ETS1: variants seen among roughly 807,000 people sequenced by gnomAD.
ETS1 encodes the protein protein C-ets-1.
A neutral mutation model predicts 58.6 loss-of-function variants in ETS1; 15 were observed. The observed-to-expected ratio is 0.26, with a 90% CI of 0.17 to 0.39. The LOEUF (loss-of-function observed/expected upper bound fraction) is 0.39. ETS1 is among the 10% of genes least tolerant of loss of function. The pLI is 1.00. For synonymous variants in ETS1, 214 were observed against 218.2 expected (o/e 0.98, Z 0.17); for missense variants, 417 against 610.5 (o/e 0.68, Z 3.34).
rs576086611 is a variant in ETS1, at chr11:128,479,039, T to C, written c.1123+1152A>G. ...TCATGCAATGAACTGCACTAGGAGC[T>C]ACATGGAATGCAATATAAGAGAGAT... is the stretch of plus-strand genomic sequence containing the variant. On this transcript the variant is annotated intron_variant, in intron 8 of 9. Coordinates refer to ENST00000392668, the MANE Select transcript of ETS1 (RefSeq NM_001143820.2). Among the ~76,000 whole-genome samples, 7 of 152,362 alleles carry C rather than the reference T, an allele frequency of 4.6e-5. No individual in the cohort carries two copies. In the South Asian group the frequency reaches 1.4e-3, roughly 32 times the overall value.
intron 3 of ETS1, among the ~76,000 whole-genome samples, chr11:128,514,721 A>G (rs762194539): frequency 6.6e-6 from 1 of 152,142 alleles, no homozygotes; most frequent in Non-Finnish European, 1.5e-5. Context: ...AGTTGTCCTG[A>G]CCACCCATCT....
intron 3 of ETS1, among the ~76,000 whole-genome samples, chr11:128,495,249 T>A (rs534679896): frequency 6.6e-6 from 1 of 152,222 alleles, no homozygotes; most frequent in South Asian, 2.1e-4. Flanking sequence ...TCTTTCTCTC[T>A]ATTCCACTGC....
At chr11:128,540,579 G>A (rs1864042059) in intron 3 of ETS1, among the ~76,000 whole-genome samples, 1 of 152,140 alleles carries the variant, frequency 6.6e-6, no homozygotes, top group Admixed American at 6.5e-5. Context: ...TGGGGTCTAT[G>A]AACATCATCT....
intron 9 of ETS1, among the ~76,000 whole-genome samples, chr11:128,462,918 T>G (rs1861941054): frequency 1.3e-5 from 2 of 152,232 alleles, no homozygotes; most frequent in Admixed American, 6.5e-5. Context: ...CTCCTTGCTT[T>G]GCAAGCATGA....
intron 1 of ETS1, among the ~76,000 whole-genome samples, chr11:128,585,124 G>GGA (rs796425198): frequency 0.013 from 87 of 6,450 alleles, 7 homozygotes; most frequent in African/African-American, 0.021. Context: ...AGGAAAGAAA[G>GGA]AAGAAAGAAA....
intron 3 of ETS1, among the ~76,000 whole-genome samples, chr11:128,542,470 A>G (rs2135543652): frequency 6.6e-6 from 1 of 152,314 alleles, no homozygotes; most frequent in South Asian, 2.1e-4. Flanking sequence ...CTGTTAAGTC[A>G]GGAATTTCTT....
At chr11:128,570,435 T>C (rs1864603327) in intron 2 of ETS1, among the ~76,000 whole-genome samples, 1 of 152,038 alleles carries the variant, frequency 6.6e-6, no homozygotes, top group Non-Finnish European at 1.5e-5. Context: ...AGAGACTGGG[T>C]TTCATCATGT....
intron 2 of ETS1, 132 bp from the exon 3 acceptor site, chr11:128,556,567 C>CA: frequency 1.8e-6 from 1 of 541,780 alleles, no homozygotes; most frequent in South Asian, 3.8e-5. Context: ...AGAACAGAGC[C>CA]AACTCTTGTT....
In ETS1 at chr11:128,490,680, T is replaced by TGCTA. The variant is rs539513356; in HGVS notation, c.215-108_215-105dup. 242 of 830,660 alleles carry TGCTA rather than the reference T, an allele frequency of 2.9e-4. No homozygotes were observed. The African/African-American group carries it at 3.6e-3, about 12-fold the overall frequency. 51.5% of individuals were successfully genotyped at this position (830,660 alleles called of 1,614,324 possible). A position where few individuals can be genotyped will look rare whatever the true frequency, so the allele number is the denominator to read the frequency against. ...AAGAAGGCAAGCTGAGAAACAACTG[T>TGCTA]GCTAGCATCCTCACCAGAGCACCAG... On this transcript the variant is annotated intron_variant, in intron 3 of 9. Coordinates refer to ENST00000392668, the MANE Select transcript of ETS1 (RefSeq NM_001143820.2).
At chr11:128,526,873 G>C (rs755397897) in intron 3 of ETS1, 1 of 455,436 alleles carries the variant, frequency 2.2e-6, no homozygotes, top group South Asian at 1.6e-5. Flanking sequence ...TCCAAGTCCA[G>C]CACTCCTATT....
chr11:128,546,990 T>G (rs1436015295), intron 3 of ETS1, among the ~76,000 whole-genome samples: 1 of 152,060 alleles, frequency 6.6e-6, no homozygotes, highest in Non-Finnish European at 1.5e-5. Context: ...TTTGCAGAGA[T>G]CATCCTGAGG....
In ETS1 at chr11:128,462,144, C is replaced by T; in HGVS notation, c.*217G>A. 1.9e-6 allele frequency: 1 copy of T among 518,070 alleles called. No individual in the cohort carries two copies. The highest frequency in any genetic ancestry group is 2.9e-5 in the East Asian group (1 of 34,120). The allele number at this position is 518,070 out of a possible 1,614,324, so 32.1% of individuals were successfully genotyped here. On this transcript the variant is annotated 3_prime_UTR_variant, in exon 10 of 10. Transcript: ENST00000392668. ...CTTCTCCCTCTCCTGAAAATTTGCT[C>T]AAGAATTTCTGGTCCCACCCACCCC...
At chr11:128,520,436 G>A (rs548523083) in intron 3 of ETS1, among the ~76,000 whole-genome samples, 76 of 152,304 alleles carry the variant, frequency 5.0e-4, no homozygotes, top group African/African-American at 1.7e-3. Context: ...CTGTTCTTAA[G>A]GAAAGGACCT....
chr11:128,513,704 A>G (rs570769937), intron 3 of ETS1, among the ~76,000 whole-genome samples: 1 of 152,344 alleles, frequency 6.6e-6, no homozygotes, highest in African/African-American at 2.4e-5. Flanking sequence ...AGTCGGTTAC[A>G]TGGAAACTCT....
chr11:128,527,623 G>T (rs1462358699), intron 3 of ETS1, among the ~76,000 whole-genome samples: 1 of 152,168 alleles, frequency 6.6e-6, no homozygotes, highest in Non-Finnish European at 1.5e-5. Flanking sequence ...AGGGATAATG[G>T]CAATAGCACA....
At chr11:128,517,012 GA>G (rs1863543622) in intron 3 of ETS1, among the ~76,000 whole-genome samples, 1 of 152,212 alleles carries the variant, frequency 6.6e-6, no homozygotes, top group Non-Finnish European at 1.5e-5. Flanking sequence ...AGGCCATATG[GA>G]AGACGTTGCA....
chr11:128,571,262 A>T (rs1409796023), intron 2 of ETS1, among the ~76,000 whole-genome samples: 1 of 151,976 alleles, frequency 6.6e-6, no homozygotes, highest in East Asian at 1.9e-4. Context: ...TAAAAATATA[A>T]AAAATTAGCC....
intron 3 of ETS1, among the ~76,000 whole-genome samples, chr11:128,541,755 G>T (rs909057973): frequency 9.9e-5 from 15 of 152,144 alleles, no homozygotes; most frequent in African/African-American, 2.4e-5. Flanking sequence ...CACTCTGCTA[G>T]GTACTAGAAA....
At chr11:128,570,999 A>G (rs191504933) in intron 2 of ETS1, among the ~76,000 whole-genome samples, 43 of 152,308 alleles carry the variant, frequency 2.8e-4, no homozygotes, top group African/African-American at 9.9e-4. Context: ...TTACATGAAC[A>G]CAGAAGCCAT....
Sources: gnomAD v4.1 joint callset for allele counts (sites outside exome capture counted in the v4.1 genomes callset) on GRCh38, gnomAD v4.1.1 for gene constraint, MANE v1.5 for transcripts, NCBI Gene and HGNC (gene_info 2026-07-23, HGNC 2026-07-21) for gene names.